The following MBNL1 variants were observed in gnomAD, a reference collection of about 807,000 sequenced individuals.
The protein encoded by MBNL1 is muscleblind like splicing regulator 1, also known as muscleblind-like protein 1.
MBNL1 carries 8 observed loss-of-function variants against 42.2 expected under a neutral mutation model. That is an observed-to-expected ratio of 0.19 (90% CI 0.11 to 0.34). The LOEUF is 0.34. Among genes scored for constraint, MBNL1 ranks in the 10% least tolerant of loss-of-function variants. The pLI, the probability that MBNL1 is intolerant of heterozygous loss-of-function variation, is 1.00. For missense variants in MBNL1, 309 were observed against 495.3 expected, an observed-to-expected ratio of 0.62 and a Z score of 3.57; for synonymous variants, 169 against 173.9, an observed-to-expected ratio of 0.97 and a Z score of 0.22.
At chr3:152,444,109 C>G (rs1349727313) in intron 4 of MBNL1, among the ~76,000 whole-genome samples, 6 of 152,124 alleles carry the variant, frequency 3.9e-5, no homozygotes, top group Admixed American at 1.3e-4. Flanking sequence ...AAATAAAGTG[C>G]TTAGTATCTG....
chr3:152,443,619 A>C (rs79938035), intron 4 of MBNL1, among the ~76,000 whole-genome samples: 10,805 of 152,046 alleles, frequency 0.071, 505 homozygotes, highest in Middle Eastern at 0.16. Flanking sequence ...CAAGCTCCAT[A>C]GCTGATGCTA....
chr3:152,268,563 C>G, upstream of MBNL1: 1 of 348,236 alleles, frequency 2.9e-6, no homozygotes, highest in Non-Finnish European at 5.7e-6. Context: ...GGAGGGCGTC[C>G]GGTCTGCACG....
intron 2 of MBNL1, among the ~76,000 whole-genome samples, chr3:152,314,301 TC>T (rs1577666167): frequency 2.0e-5 from 3 of 151,738 alleles, no homozygotes; most frequent in South Asian, 2.1e-4. Flanking sequence ...TTTTTTTTTT[TC>T]CCCCTTTCAC....
At chr3:152,253,909 C>T (rs1325321008) in intron 2 of MBNL1, among the ~76,000 whole-genome samples, 2 of 152,128 alleles carry the variant, frequency 1.3e-5, no homozygotes, top group African/African-American at 4.8e-5. Context: ...TAAAATGTTA[C>T]ACAACATGTT....
At chr3:152,391,059 C>T (rs775722745) in intron 2 of MBNL1, among the ~76,000 whole-genome samples, 1 of 152,186 alleles carries the variant, frequency 6.6e-6, no homozygotes, top group Non-Finnish European at 1.5e-5. Context: ...TCTTATATAA[C>T]CTTATCAGGG....
At chr3:152,304,775 C>T (rs1022274598) in intron 2 of MBNL1, among the ~76,000 whole-genome samples, 4 of 152,186 alleles carry the variant, frequency 2.6e-5, no homozygotes, top group Admixed American at 6.5e-5. Flanking sequence ...GTCATCAACT[C>T]TGACATAAAC....
At chr3:152,361,986 A>G (rs2095997660) in intron 2 of MBNL1, among the ~76,000 whole-genome samples, 2 of 152,178 alleles carry the variant, frequency 1.3e-5, no homozygotes, top group South Asian at 4.1e-4. Flanking sequence ...TTCTGCAGCT[A>G]ATATTGCTGC....
chr3:152,376,804 G>GCA (rs1346842309), intron 2 of MBNL1, among the ~76,000 whole-genome samples: 2 of 151,830 alleles, frequency 1.3e-5, no homozygotes, highest in Non-Finnish European at 2.9e-5. Context: ...ACGTGCATGC[G>GCA]CACACACACA....
At chr3:152,461,980 A>T (rs1055561962) in intron 9 of MBNL1, among the ~76,000 whole-genome samples, 2 of 152,148 alleles carry the variant, frequency 1.3e-5, no homozygotes, top group African/African-American at 4.8e-5. Context: ...TTAATAGAAC[A>T]TATTACATGA....
intron 2 of MBNL1, among the ~76,000 whole-genome samples, chr3:152,317,466 T>C (rs755316198): frequency 5.9e-5 from 9 of 152,072 alleles, no homozygotes; most frequent in Non-Finnish European, 7.4e-5. Context: ...ATTACAGGCA[T>C]GCACCACCAT....
At chr3:152,382,203 C>G (rs1197775935) in intron 2 of MBNL1, among the ~76,000 whole-genome samples, 3 of 152,174 alleles carry the variant, frequency 2.0e-5, no homozygotes, top group Middle Eastern at 6.8e-3. Context: ...GCTGACCACT[C>G]TGATCCTGTT....
chr3:152,315,359 G>GA (rs931203913), intron 2 of MBNL1, among the ~76,000 whole-genome samples: 6 of 152,028 alleles, frequency 3.9e-5, no homozygotes, highest in Non-Finnish European at 8.8e-5. Context: ...GTTTTATTGA[G>GA]AAAAATCCAC....
At chr3:152,429,504 T>C (rs903248864) in intron 3 of MBNL1, among the ~76,000 whole-genome samples, 11 of 152,352 alleles carry the variant, frequency 7.2e-5, no homozygotes, top group Middle Eastern at 3.4e-3. Flanking sequence ...ACCAATTACA[T>C]TGTTATATGT....
intron 2 of MBNL1, among the ~76,000 whole-genome samples, chr3:152,353,633 C>A: frequency 6.8e-6 from 1 of 147,510 alleles, no homozygotes; most frequent in East Asian, 2.0e-4. Context: ...ATATCTTAGG[C>A]ATATTAATTA....
At chr3:152,447,500 G>T in intron 5 of MBNL1, 120 bp from the exon 6 acceptor site, 3 of 432,974 alleles carry the variant, frequency 6.9e-6, no homozygotes, top group Non-Finnish European at 1.2e-5. Context: ...CCCTCGGGTA[G>T]TTAAGTGCTC....
intron 4 of MBNL1, among the ~76,000 whole-genome samples, chr3:152,444,550 C>A (rs866342780): frequency 6.6e-6 from 1 of 151,890 alleles, no homozygotes; most frequent in African/African-American, 2.4e-5. Context: ...AAAAATGGAC[C>A]CAAGAGTTTC....
At chr3:152,402,972 A>G (rs1048139057) in intron 2 of MBNL1, among the ~76,000 whole-genome samples, 1 of 152,312 alleles carries the variant, frequency 6.6e-6, no homozygotes, top group South Asian at 2.1e-4. Context: ...AACATGTACA[A>G]AATACAAAGG....
chr3:152,445,766 T>A (rs2099215042), intron 5 of MBNL1, among the ~76,000 whole-genome samples: 1 of 152,226 alleles, frequency 6.6e-6, no homozygotes, highest in Non-Finnish European at 1.5e-5. Context: ...TTAATCTGTC[T>A]TATTGTGGAT....
At position 152,463,696 on chromosome 3, in the gene MBNL1, A is replaced by G. The variant is rs1461898430; in HGVS notation, c.*1330A>G. 1 of 152,464 alleles carries G rather than the reference A, an allele frequency of 6.6e-6. No individual in the cohort carries two copies. The highest frequency in any genetic ancestry group is 1.5e-5 in the Non-Finnish European group (1 of 67,974). 9.4% of individuals were successfully genotyped at this position (152,464 alleles called of 1,614,324 possible). ...AGAAAGCCTTTTACAAAATTAAAAA[A>G]AAAATAGATGTGCATTCAGTTTTTA... On this transcript the variant is annotated 3_prime_UTR_variant, in exon 10 of 10. Coordinates refer to ENST00000324210, the MANE Select transcript of MBNL1 (RefSeq NM_021038.5).
Sources: allele counts gnomAD v4.1 joint callset (sites outside exome capture counted in the v4.1 genomes callset), GRCh38; gene constraint gnomAD v4.1.1; transcripts MANE v1.5; gene names NCBI Gene and HGNC (gene_info 2026-07-23, HGNC 2026-07-21).